Variants in SSBP4 observed in about 807,000 individuals in gnomAD.
The protein encoded by SSBP4 is single-stranded DNA-binding protein 4.
In SSBP4, 33 loss-of-function variants were observed where a neutral mutation model predicts 64.6. That is an observed-to-expected ratio of 0.51 (90% CI 0.39 to 0.68). The LOEUF is 0.68. SSBP4 is among the 30% of genes least tolerant of loss of function. The pLI is 0.00. For missense variants in SSBP4, 583 were observed against 566.8 expected, an observed-to-expected ratio of 1.03 and a Z score of -0.29; for synonymous variants, 243 against 224.0, an observed-to-expected ratio of 1.08 and a Z score of -0.76.
At position 18,427,268 on chromosome 19, in the gene SSBP4, C is replaced by T. The variant is rs1011200476; in HGVS notation, c.60-83C>T. On this transcript the variant is annotated intron_variant, in intron 1 of 17. Coordinates refer to ENST00000270061, the MANE Select transcript of SSBP4 (RefSeq NM_032627.5). This position sits in a 1 kb window ranked among gnomAD's most constrained non-coding sequence, Gnocchi z 4.4. ...CTGGTGGGGAGGCCACCTTTCCACC[C>T]GCCCTCCTGAGAGATGGAGGGGCTT... The T allele has an allele frequency of 5.0e-5, 73 of 1,450,722 alleles. No homozygotes were observed. Among genetic ancestry groups the T allele is most frequent in the Middle Eastern group, 3.6e-4 (2 of 5,612 alleles). 89.9% of individuals were successfully genotyped at this position (1,450,722 alleles called of 1,614,324 possible).
At chr19:18,416,548 C>T (rs1305477484), upstream of SSBP4, among the ~76,000 whole-genome samples, 1 of 152,134 alleles carries the variant, frequency 6.6e-6, no homozygotes, top group Non-Finnish European at 1.5e-5. Flanking sequence ...CCTCCCATTG[C>T]TCCCTAATGC....
At chr19:18,407,491 A>G in the SSBP4 span, among the ~76,000 whole-genome samples, 2 of 152,126 alleles carry the variant, frequency 1.3e-5, no homozygotes, top group African/African-American at 4.8e-5. Flanking sequence ...ATCTGGGCTC[A>G]CTGCAAGCTC....
chr19:18,409,288 G>C, the SSBP4 span, among the ~76,000 whole-genome samples: 2 of 151,200 alleles, frequency 1.3e-5, no homozygotes. Context: ...CCAGGTTCAA[G>C]CGATTCTCTC....
At chr19:18,407,261 C>T in the SSBP4 span, among the ~76,000 whole-genome samples, 1 of 151,890 alleles carries the variant, frequency 6.6e-6, no homozygotes, top group Non-Finnish European at 1.5e-5. Context: ...TGGTCTCGAA[C>T]TCCTGACCTC....
At chr19:18,412,266 G>A in the SSBP4 span, among the ~76,000 whole-genome samples, 1 of 151,850 alleles carries the variant, frequency 6.6e-6, no homozygotes, top group Non-Finnish European at 1.5e-5. Flanking sequence ...GTCAAGACCA[G>A]CCTGGCCAAG....
the SSBP4 span, among the ~76,000 whole-genome samples, chr19:18,412,460 C>CA: frequency 0.026 from 1,949 of 74,152 alleles, 51 homozygotes; most frequent in African/African-American, 0.035. Context: ...GACTCCATCT[C>CA]AAAAAAAAAA....
chr19:18,431,419 G>T lies in SSBP4; in HGVS notation c.435+1G>T. The stretch of plus-strand genomic sequence containing the variant: ...CCCCATGATGGGGCCTCACGGTCAG[G>T]TAAGGAGCTGTGGTGCCTGCCCCTC... On this transcript the variant is annotated splice_donor_variant, in intron 6 of 17. Coordinates refer to ENST00000270061, the MANE Select transcript of SSBP4 (RefSeq NM_032627.5). LOFTEE classifies it high-confidence loss of function. 1.3e-6 allele frequency: 2 copies of T among 1,516,962 alleles called. No homozygotes were observed. Among genetic ancestry groups the T allele is most frequent in the Middle Eastern group, 1.9e-4 (1 of 5,364 alleles). 94.0% of individuals were successfully genotyped at this position (1,516,962 alleles called of 1,614,324 possible). A position where few individuals can be genotyped will look rare whatever the true frequency, so the allele number is the denominator to read the frequency against.
At chr19:18,408,653 C>T in the SSBP4 span, among the ~76,000 whole-genome samples, 49 of 152,210 alleles carry the variant, frequency 3.2e-4, no homozygotes, top group African/African-American at 1.0e-3. Flanking sequence ...CCATCGCACC[C>T]GGCTAATTTT....
rs1266700639 is a variant in SSBP4 at position 18,427,786 on chromosome 19, C to A, written c.167C>A (p.Pro56His). The change falls in exon 3 of 18, where the codon CCC becomes CAC. Residue 56 changes from proline (P) to histidine (H), a missense_variant. Physicochemically the swap from Pro to His is moderately conservative, Grantham distance 77. Transcript: ENST00000270061. This position sits in a 1 kb window ranked among gnomAD's most constrained non-coding sequence, Gnocchi z 4.4. ...RWEKNITLGE[P>H]PGFLHSWWCV... is the part of the protein sequence containing the mutation. ...GAGAAGAACATCACGCTGGGGGAGC[C>A]CCCTGGGTTCCTGCACTCCTGGTGG... The A allele has an allele frequency of 4.4e-6, 7 of 1,606,016 alleles. No homozygotes were observed. The highest frequency in any genetic ancestry group is 4.0e-5 in the African/African-American group (3 of 74,730).
At chr19:18,417,458 C>G (rs1463057093), upstream of SSBP4, among the ~76,000 whole-genome samples, 2 of 152,288 alleles carry the variant, frequency 1.3e-5, no homozygotes, top group East Asian at 1.9e-4. The surrounding 1 kb of genome is among the most constrained non-coding windows in gnomAD (Gnocchi z 5.4). Flanking sequence ...CCGGGAGTGC[C>G]GGTTGTCACC....
the SSBP4 span, among the ~76,000 whole-genome samples, chr19:18,404,987 C>T: frequency 1.7e-5 from 2 of 118,328 alleles, no homozygotes; most frequent in East Asian, 2.0e-4. Flanking sequence ...GCCCAGAGGC[C>T]CCCCCCCCCG....
chr19:18,434,322 T>G lies in SSBP4; in HGVS notation c.*76T>G. On this transcript the variant is annotated 3_prime_UTR_variant, in exon 18 of 18. Transcript: ENST00000270061. ...CCCTGCTCAGGGCGAGGGGCTGAGG[T>G]CACACCTCGGGCACCTGGACTCCTG... 1 of 1,570,802 alleles carries G rather than the reference T, an allele frequency of 6.4e-7. No homozygotes were observed. Among genetic ancestry groups the G allele is most frequent in the Non-Finnish European group, 8.6e-7 (1 of 1,158,950 alleles).
chr19:18,411,858 T>TCCACCA, the SSBP4 span, among the ~76,000 whole-genome samples: 1 of 152,046 alleles, frequency 6.6e-6, no homozygotes, highest in Non-Finnish European at 1.5e-5. Flanking sequence ...AAATCTTTCT[T>TCCACCA]CCACCAGTAA....
At chr19:18,403,907 A>T in the SSBP4 span, among the ~76,000 whole-genome samples, 1 of 151,550 alleles carries the variant, frequency 6.6e-6, no homozygotes, top group Non-Finnish European at 1.5e-5. Context: ...TTCAGAGGCC[A>T]CCTCCCTGGG....
chr19:18,429,417 C>T (rs995551706), intron 4 of SSBP4, among the ~76,000 whole-genome samples: 2 of 151,618 alleles, frequency 1.3e-5, no homozygotes, highest in Non-Finnish European at 2.9e-5. Context: ...GGGCGCGCCG[C>T]CCGGGATTAA....
At chr19:18,417,883 C>T (rs543826977), upstream of SSBP4, among the ~76,000 whole-genome samples, 1 of 145,354 alleles carries the variant, frequency 6.9e-6, no homozygotes, top group African/African-American at 2.5e-5. This position sits in a 1 kb window ranked among gnomAD's most constrained non-coding sequence, Gnocchi z 5.4. Flanking sequence ...GGGGTGGGGG[C>T]GGGGGGTTCT....
chr19:18,419,811 C>T, intron 1 of SSBP4, 104 bp downstream of exon 1: 1 of 856,350 alleles, frequency 1.2e-6, no homozygotes. Flanking sequence ...GCGGGGAGCG[C>T]GAGCCTGAGC....
rs200954831 is a variant in SSBP4, at chr19:18,432,804, C to T, written c.787-25C>T. 1.4e-5 allele frequency: 23 copies of T among 1,613,714 alleles called. No individual in the cohort carries two copies. The Admixed American group carries it at 3.8e-4, about 27-fold the overall frequency. ...GGATGGCAGATGAGGGGCCATTTCT[C>T]ACGGTTCCTGTCTCTTGTGTGCAGG... On this transcript the variant is annotated intron_variant, in intron 12 of 17. Transcript: ENST00000270061.
At chr19:18,408,496 A>T in the SSBP4 span, among the ~76,000 whole-genome samples, 4 of 144,580 alleles carry the variant, frequency 2.8e-5, no homozygotes, top group East Asian at 8.1e-4. Flanking sequence ...CAAGCCACCA[A>T]TTTTTTTTTT....
Sources: allele counts gnomAD v4.1 joint callset (sites outside exome capture counted in the v4.1 genomes callset), GRCh38; gene constraint gnomAD v4.1.1; non-coding constraint Gnocchi (gnomAD v3.1); transcripts MANE v1.5; gene names NCBI Gene and HGNC (gene_info 2026-07-23, HGNC 2026-07-21).